The following SUGCT variants were observed in gnomAD, a reference collection of about 807,000 sequenced individuals.
SUGCT encodes the protein succinyl-CoA:glutarate-CoA transferase, also known as succinyl-CoA:glutarate CoA-transferase.
Under a neutral mutation model 55.0 loss-of-function variants are expected in SUGCT, and 41 were observed. The observed-to-expected ratio is 0.74, with a 90% CI of 0.58 to 0.97. The LOEUF (loss-of-function observed/expected upper bound fraction) is 0.97, where lower values mean the gene tolerates loss of function less well. SUGCT is among the 50% of genes least tolerant of loss of function. The probability of loss-of-function intolerance (pLI) is 0.00; values close to 1 mark genes in which losing one functional copy is unlikely to be tolerated. For synonymous variants in SUGCT, 187 were observed against 200.4 expected (o/e 0.93, Z 0.56); for missense variants, 568 against 547.8 (o/e 1.04, Z -0.37).
At chr7:40,701,684 G>C (rs1270577257) in intron 12 of SUGCT, among the ~76,000 whole-genome samples, 1 of 152,192 alleles carries the variant, frequency 6.6e-6, no homozygotes, top group Non-Finnish European at 1.5e-5. Flanking sequence ...TGTTTAATTA[G>C]CTAGTGTATT....
intron 13 of SUGCT, among the ~76,000 whole-genome samples, chr7:40,796,524 G>T (rs1377821980): frequency 6.6e-6 from 1 of 152,174 alleles, no homozygotes; most frequent in East Asian, 1.9e-4. Context: ...ACCAGGTTAA[G>T]CACTGGCCAT....
chr7:40,576,353 A>G (rs1425087223), intron 12 of SUGCT, among the ~76,000 whole-genome samples: 2 of 152,220 alleles, frequency 1.3e-5, no homozygotes, highest in African/African-American at 4.8e-5. Flanking sequence ...TGAAGGGGCA[A>G]CAGTGAAAGA....
intron 9 of SUGCT, among the ~76,000 whole-genome samples, chr7:40,394,101 C>T (rs758567960): frequency 5.9e-5 from 9 of 152,166 alleles, no homozygotes; most frequent in South Asian, 2.1e-4. Context: ...TGCTGAGACA[C>T]GGGCAGGATG....
At chr7:40,302,724 C>T (rs978976046) in intron 8 of SUGCT, among the ~76,000 whole-genome samples, 8 of 152,146 alleles carry the variant, frequency 5.3e-5, no homozygotes, top group South Asian at 4.2e-4. Flanking sequence ...TCTTTTTTGA[C>T]GAATTCATTA....
chr7:40,328,381 T>C (rs973144432), intron 9 of SUGCT, among the ~76,000 whole-genome samples: 1 of 152,192 alleles, frequency 6.6e-6, no homozygotes, highest in Non-Finnish European at 1.5e-5. Flanking sequence ...TTGAGCAATA[T>C]AGGAGTTGGG....
the SUGCT span, among the ~76,000 whole-genome samples, chr7:40,957,286 T>C: frequency 2.0e-5 from 3 of 152,172 alleles, no homozygotes; most frequent in Non-Finnish European, 4.4e-5. Flanking sequence ...ACTTGCTTTA[T>C]GAATCTGGGT....
At chr7:40,593,767 A>G (rs1797853050) in intron 12 of SUGCT, among the ~76,000 whole-genome samples, 1 of 152,126 alleles carries the variant, frequency 6.6e-6, no homozygotes, top group Admixed American at 6.6e-5. Context: ...TGAGCCTGGG[A>G]CGTGGAGGTT....
intron 1 of SUGCT, among the ~76,000 whole-genome samples, chr7:40,148,281 A>C (rs62456117): frequency 0.011 from 1,744 of 152,290 alleles, 12 homozygotes; most frequent in Non-Finnish European, 0.017. Context: ...TTTGAAAAGA[A>C]ATTTAGAACT....
intron 12 of SUGCT, among the ~76,000 whole-genome samples, chr7:40,707,979 C>G (rs951195677): frequency 6.6e-6 from 1 of 152,074 alleles, no homozygotes; most frequent in Non-Finnish European, 1.5e-5. Context: ...TAGCTGTTAG[C>G]AGAAATGATA....
chr7:40,147,591 C>G (rs1021054547), intron 1 of SUGCT, among the ~76,000 whole-genome samples: 1 of 152,226 alleles, frequency 6.6e-6, no homozygotes, highest in Admixed American at 6.5e-5. Context: ...CCTGCGGCTT[C>G]TCCTTCCTTG....
At chr7:40,433,957 A>G (rs1009667990) in intron 9 of SUGCT, among the ~76,000 whole-genome samples, 2 of 152,224 alleles carry the variant, frequency 1.3e-5, no homozygotes, top group Non-Finnish European at 2.9e-5. Context: ...TTTAACTAAT[A>G]TAACCTGTTA....
chr7:40,764,162 T>C (rs982805598), intron 13 of SUGCT, among the ~76,000 whole-genome samples: 2 of 152,216 alleles, frequency 1.3e-5, no homozygotes, highest in Non-Finnish European at 2.9e-5. Flanking sequence ...AGTATACTTT[T>C]TATTTCTGCA....
At chr7:40,445,444 C>G (rs1013201798) in intron 9 of SUGCT, among the ~76,000 whole-genome samples, 1 of 152,050 alleles carries the variant, frequency 6.6e-6, no homozygotes, top group Admixed American at 6.6e-5. Context: ...CAAGACTAAA[C>G]CAGGAAGAAG....
the SUGCT span, among the ~76,000 whole-genome samples, chr7:40,997,355 A>T: frequency 1.3e-5 from 2 of 152,218 alleles, no homozygotes; most frequent in East Asian, 3.9e-4. Flanking sequence ...CCCGCCCTCA[A>T]CATGTTCTCT....
intron 13 of SUGCT, among the ~76,000 whole-genome samples, chr7:40,762,085 A>G (rs1788561511): frequency 6.6e-6 from 1 of 152,188 alleles, no homozygotes; most frequent in Admixed American, 6.5e-5. Context: ...TTGACAAGGA[A>G]AGGCATTAAT....
At chr7:40,413,208 G>A (rs1786785781) in intron 9 of SUGCT, among the ~76,000 whole-genome samples, 1 of 152,152 alleles carries the variant, frequency 6.6e-6, no homozygotes, top group Non-Finnish European at 1.5e-5. Flanking sequence ...GGACATCTAG[G>A]CTGGAAGATT....
intron 8 of SUGCT, among the ~76,000 whole-genome samples, chr7:40,313,663 T>A (rs1326668864): frequency 6.6e-6 from 1 of 152,138 alleles, no homozygotes; most frequent in East Asian, 1.9e-4. Flanking sequence ...TTTTTGAGAC[T>A]CTGTTGCTGA....
chr7:40,922,916 T>C, the SUGCT span, among the ~76,000 whole-genome samples: 50 of 152,344 alleles, frequency 3.3e-4, 1 homozygote, highest in East Asian at 1.7e-3. Flanking sequence ...AAGTAATTAC[T>C]AATAGGAGAT....
chr7:40,695,971 G>A (rs879367122), intron 12 of SUGCT, among the ~76,000 whole-genome samples: 17 of 152,108 alleles, frequency 1.1e-4, no homozygotes, highest in Non-Finnish European at 1.8e-4. Flanking sequence ...GGTCCTAAAT[G>A]GCAGAGTTAG....
Sources: allele counts gnomAD v4.1 joint callset (sites outside exome capture counted in the v4.1 genomes callset), GRCh38; gene constraint gnomAD v4.1.1; transcripts MANE v1.5; gene names NCBI Gene and HGNC (gene_info 2026-07-23, HGNC 2026-07-21).